Variants in KCNMA1 observed in about 807,000 individuals in gnomAD.
The protein encoded by KCNMA1 is Calcium-activated potassium channel subunit alpha-1.
Under a neutral mutation model 140.0 loss-of-function variants are expected in KCNMA1, and 29 were observed. The observed-to-expected ratio is 0.21, with a 90% CI of 0.15 to 0.28. The LOEUF (loss-of-function observed/expected upper bound fraction) is 0.28. Among genes scored for constraint, KCNMA1 ranks in the 10% least tolerant of loss-of-function variants. KCNMA1 has a pLI of 1.00. For missense variants in KCNMA1, 880 were observed against 1,602.2 expected, an observed-to-expected ratio of 0.55 and a Z score of 7.70; for synonymous variants, 612 against 611.9, an observed-to-expected ratio of 1.00 and a Z score of 0.00.
In KCNMA1 at chr10:77,075,664, A is replaced by G. The variant is rs117589582; in HGVS notation, c.1594-2412T>C. The stretch of plus-strand genomic sequence containing the variant: ...ACTTGGCCATGTGATTATATAGAAA[A>G]GTTGAGTTTGTTCCTTATCTCAGGG... On this transcript the variant is annotated intron_variant, in intron 13 of 27. Transcript: ENST00000286628. Among the ~76,000 whole-genome samples, 1,244 of 152,264 alleles carry G rather than the reference A, an allele frequency of 8.2e-3. 9 individuals carry two copies. Among genetic ancestry groups the G allele is most frequent in the Middle Eastern group, 0.017 (5 of 294 alleles).
At chr10:77,214,089 GGAAAGCT>G (rs1182227139) in intron 3 of KCNMA1, among the ~76,000 whole-genome samples, 1 of 152,086 alleles carries the variant, frequency 6.6e-6, no homozygotes, top group Admixed American at 6.6e-5. Flanking sequence ...CACCAGCTCT[GGAAAGCT>G]GAAAGTTCCT....
chr10:76,993,610 C>G (rs2083378577), intron 19 of KCNMA1, among the ~76,000 whole-genome samples: 1 of 152,218 alleles, frequency 6.6e-6, no homozygotes, highest in Non-Finnish European at 1.5e-5. Flanking sequence ...AACAGGCTCC[C>G]CTCTGTTTGT....
At chr10:77,358,828 A>C (rs559477933) in intron 2 of KCNMA1, among the ~76,000 whole-genome samples, 1 of 152,302 alleles carries the variant, frequency 6.6e-6, no homozygotes, top group South Asian at 2.1e-4. Context: ...GTCCTCCTAC[A>C]AGTACGAGTG....
chr10:77,633,009 T>C (rs910868205), intron 1 of KCNMA1, among the ~76,000 whole-genome samples: 1 of 152,160 alleles, frequency 6.6e-6, no homozygotes, highest in Non-Finnish European at 1.5e-5. Context: ...TGTACTAAAG[T>C]GTGCATTTCC....
chr10:77,404,273 CTATTT>C (rs1186526596), intron 1 of KCNMA1, among the ~76,000 whole-genome samples: 3 of 151,828 alleles, frequency 2.0e-5, no homozygotes, highest in Non-Finnish European at 4.4e-5. Context: ...TTATTCTATT[CTATTT>C]TATTTTATTT....
intron 5 of KCNMA1, among the ~76,000 whole-genome samples, chr10:77,136,404 G>A (rs1369213082): frequency 6.6e-6 from 1 of 151,964 alleles, no homozygotes; most frequent in Admixed American, 6.6e-5. Context: ...TGAGGGGAGA[G>A]GAAAAATTAT....
At chr10:76,965,516 C>T (rs1351830519) in intron 20 of KCNMA1, among the ~76,000 whole-genome samples, 1 of 152,172 alleles carries the variant, frequency 6.6e-6, no homozygotes, top group Non-Finnish European at 1.5e-5. Context: ...CCTCGAAAAC[C>T]TTCAGGGGTT....
chr10:77,053,085 G>A (rs2095428304), intron 14 of KCNMA1, among the ~76,000 whole-genome samples: 1 of 152,148 alleles, frequency 6.6e-6, no homozygotes, highest in African/African-American at 2.4e-5. Context: ...TGACAGGCAG[G>A]CCATCACCCT....
intron 17 of KCNMA1, among the ~76,000 whole-genome samples, chr10:77,016,419 T>C (rs2092050035): frequency 6.6e-6 from 1 of 151,438 alleles, no homozygotes; most frequent in African/African-American, 2.4e-5. Context: ...CCCTGGTGCC[T>C]TGTATAGAGC....
chr10:77,072,580 T>C (rs1449466029), intron 14 of KCNMA1, among the ~76,000 whole-genome samples: 1 of 152,100 alleles, frequency 6.6e-6, no homozygotes, highest in Non-Finnish European at 1.5e-5. Flanking sequence ...CAGTACATTG[T>C]TTCGCTCTCC....
At chr10:77,253,629 G>A (rs1191502463) in intron 2 of KCNMA1, among the ~76,000 whole-genome samples, 1 of 152,154 alleles carries the variant, frequency 6.6e-6, no homozygotes, top group Non-Finnish European at 1.5e-5. Context: ...CTCTGATAGG[G>A]TAAGAGAGGG....
intron 2 of KCNMA1, among the ~76,000 whole-genome samples, chr10:77,280,752 T>C (rs7095163): frequency 0.45 from 68,183 of 150,966 alleles, 17,106 homozygotes; most frequent in Non-Finnish European, 0.57. Context: ...TGGTCTCGAA[T>C]TCCTGGGCTC....
At chr10:77,470,971 T>C (rs1199771827) in intron 1 of KCNMA1, among the ~76,000 whole-genome samples, 1 of 151,992 alleles carries the variant, frequency 6.6e-6, no homozygotes, top group Non-Finnish European at 1.5e-5. Context: ...GCCCGGCTCA[T>C]CCAATGGATA....
At chr10:76,936,184 T>C (rs1398230755) in intron 23 of KCNMA1, among the ~76,000 whole-genome samples, 1 of 152,230 alleles carries the variant, frequency 6.6e-6, no homozygotes, top group East Asian at 1.9e-4. Context: ...CATCTTGGGA[T>C]GTCCACGGAA....
intron 2 of KCNMA1, among the ~76,000 whole-genome samples, chr10:77,265,052 C>T: frequency 6.6e-6 from 1 of 151,662 alleles, no homozygotes; most frequent in East Asian, 1.9e-4. Flanking sequence ...CATCAAAAGA[C>T]TCTTTTTTTT....
intron 5 of KCNMA1, among the ~76,000 whole-genome samples, chr10:77,144,403 A>AT (rs966789663): frequency 2.0e-5 from 3 of 152,128 alleles, no homozygotes; most frequent in Admixed American, 6.5e-5. Flanking sequence ...CAAGATAGTG[A>AT]TTTTTTTATG....
intron 5 of KCNMA1, among the ~76,000 whole-genome samples, chr10:77,150,325 G>A (rs2098396071): frequency 6.6e-6 from 1 of 152,114 alleles, no homozygotes; most frequent in Non-Finnish European, 1.5e-5. Context: ...CATTCTTGTA[G>A]CCATTTCACT....
chr10:77,294,408 A>G (rs1199087008), intron 2 of KCNMA1, among the ~76,000 whole-genome samples: 3 of 152,200 alleles, frequency 2.0e-5, no homozygotes, highest in Admixed American at 6.5e-5. Flanking sequence ...GTGTTTGACC[A>G]GGCCCAGGTG....
chr10:77,141,718 C>A (rs2098174784), intron 5 of KCNMA1, among the ~76,000 whole-genome samples: 1 of 152,188 alleles, frequency 6.6e-6, no homozygotes, highest in Non-Finnish European at 1.5e-5. Context: ...ATGACACAGA[C>A]AGAGAGAGGG....
Sources: allele counts gnomAD v4.1 joint callset (sites outside exome capture counted in the v4.1 genomes callset), GRCh38; gene constraint gnomAD v4.1.1; transcripts MANE v1.5; gene names NCBI Gene and HGNC (gene_info 2026-07-23, HGNC 2026-07-21).